L3MBTL4: variants seen among roughly 807,000 people sequenced by gnomAD.
L3MBTL4 encodes the protein L3MBTL histone methyl-lysine binding protein 4.
A neutral mutation model predicts 84.5 loss-of-function variants in L3MBTL4; 70 were observed. The observed-to-expected ratio is 0.83, with a 90% CI of 0.68 to 1.01. The LOEUF (loss-of-function observed/expected upper bound fraction) is 1.01, where lower values mean the gene tolerates loss of function less well. L3MBTL4 is among the 50% of genes least tolerant of loss of function. The pLI is 0.00. For missense variants in L3MBTL4, 715 were observed against 754.8 expected (o/e 0.95, Z 0.62); for synonymous variants, 274 against 259.8 (o/e 1.05, Z -0.52).
intron 16 of L3MBTL4, among the ~76,000 whole-genome samples, chr18:5,988,367 G>A (rs545874261): frequency 7.1e-4 from 108 of 152,276 alleles, no homozygotes; most frequent in African/African-American, 2.6e-3. Flanking sequence ...GATTGTTGGA[G>A]GGGCCCTGTA....
chr18:5,961,947 T>A (rs113509314), intron 17 of L3MBTL4, among the ~76,000 whole-genome samples: 3 of 152,286 alleles, frequency 2.0e-5, no homozygotes, highest in African/African-American at 7.2e-5. Context: ...CCCAGGACAC[T>A]GAGGGTGGCC....
chr18:6,278,024 C>G (rs1261400688), intron 4 of L3MBTL4, among the ~76,000 whole-genome samples: 1 of 151,876 alleles, frequency 6.6e-6, no homozygotes, highest in Non-Finnish European at 1.5e-5. Context: ...AAATACATAT[C>G]TATGTATATA....
intron 10 of L3MBTL4, among the ~76,000 whole-genome samples, chr18:6,236,163 G>A (rs2093541420): frequency 6.6e-6 from 1 of 152,130 alleles, no homozygotes; most frequent in Non-Finnish European, 1.5e-5. Context: ...CGGTGCTGGA[G>A]GACTCATGTG....
chr18:6,358,229 C>T (rs2053531253), intron 1 of L3MBTL4, among the ~76,000 whole-genome samples: 1 of 152,066 alleles, frequency 6.6e-6, no homozygotes, highest in African/African-American at 2.4e-5. Flanking sequence ...CTAAGAGTGC[C>T]GATTAAATAA....
chr18:6,229,281 G>A (rs1198260789), intron 10 of L3MBTL4, among the ~76,000 whole-genome samples: 1 of 152,108 alleles, frequency 6.6e-6, no homozygotes, highest in African/African-American at 2.4e-5. Context: ...ATACAACTAA[G>A]TATGTGGGTA....
At chr18:6,250,889 T>C (rs1306374716) in intron 5 of L3MBTL4, among the ~76,000 whole-genome samples, 1 of 152,250 alleles carries the variant, frequency 6.6e-6, no homozygotes, top group African/African-American at 2.4e-5. Flanking sequence ...CTTCCACATA[T>C]AAAATTGTTC....
chr18:6,209,445 C>CAAAAAAAAAAAAA (rs60613997), intron 12 of L3MBTL4, among the ~76,000 whole-genome samples: 18 of 113,982 alleles, frequency 1.6e-4, no homozygotes, highest in African/African-American at 5.5e-4. Flanking sequence ...ACTAAACTGG[C>CAAAAAAAAAAAAA]AAAAAAAAAA....
At chr18:6,329,799 G>A (rs189957051) in intron 1 of L3MBTL4, among the ~76,000 whole-genome samples, 63 of 152,262 alleles carry the variant, frequency 4.1e-4, no homozygotes, top group Admixed American at 3.6e-3. Flanking sequence ...TCCACAAGTG[G>A]ATTAATCCAT....
chr18:6,347,911 A>G (rs1375443588), intron 1 of L3MBTL4, among the ~76,000 whole-genome samples: 2 of 152,052 alleles, frequency 1.3e-5, no homozygotes, highest in Admixed American at 6.5e-5. Context: ...TCTGAACACA[A>G]AAAAATTAAA....
rs1458499706 is a variant in L3MBTL4 at position 5,960,204 on chromosome 18, A to G, written c.1615-48T>C. The G allele has an allele frequency of 3.4e-6, 4 of 1,192,130 alleles. No homozygotes were observed. In the African/African-American group the frequency reaches 6.3e-5, roughly 19 times the overall value. 73.8% of individuals were successfully genotyped at this position (1,192,130 alleles called of 1,614,324 possible). On this transcript the variant is annotated intron_variant, in intron 17 of 18. Transcript: ENST00000317931. ...TAATTTAATACATGCACCTGAAATA[A>G]TTTGGGGGTTGCAGTAATCCAACAT... is the stretch of plus-strand genomic sequence containing the variant.
intron 16 of L3MBTL4, among the ~76,000 whole-genome samples, chr18:6,027,840 A>G (rs2055583721): frequency 6.6e-6 from 1 of 152,220 alleles, no homozygotes; most frequent in South Asian, 2.1e-4. Context: ...TCTTCTTTAG[A>G]GAAGTGTCTG....
intron 1 of L3MBTL4, among the ~76,000 whole-genome samples, chr18:6,403,679 G>A (rs1368780514): frequency 6.6e-6 from 1 of 152,176 alleles, no homozygotes; most frequent in Admixed American, 6.5e-5. Flanking sequence ...GATACTTAGA[G>A]AAATGTTACA....
At chr18:6,024,572 C>G (rs999418567) in intron 16 of L3MBTL4, among the ~76,000 whole-genome samples, 1 of 152,110 alleles carries the variant, frequency 6.6e-6, no homozygotes, top group African/African-American at 2.4e-5. Context: ...ACTTTCCCCC[C>G]TCAAGGTACA....
chr18:6,133,187 T>A (rs2144561261), intron 14 of L3MBTL4, among the ~76,000 whole-genome samples: 1 of 152,240 alleles, frequency 6.6e-6, no homozygotes, highest in South Asian at 2.1e-4. Flanking sequence ...CTCTCAGGGA[T>A]GATGGAACCG....
chr18:6,364,331 AT>A (rs1445487645), intron 1 of L3MBTL4, among the ~76,000 whole-genome samples: 1 of 151,902 alleles, frequency 6.6e-6, no homozygotes, highest in Non-Finnish European at 1.5e-5. Context: ...AATATTCTTA[AT>A]TTTTTCCATT....
chr18:6,227,670 G>GA (rs1360058060), intron 10 of L3MBTL4, among the ~76,000 whole-genome samples: 1 of 151,952 alleles, frequency 6.6e-6, no homozygotes, highest in Non-Finnish European at 1.5e-5. Flanking sequence ...ATTAAGAAAA[G>GA]AAAACTCCAG....
chr18:6,036,039 G>C (rs1032379611), intron 16 of L3MBTL4, among the ~76,000 whole-genome samples: 1 of 152,102 alleles, frequency 6.6e-6, no homozygotes, highest in African/African-American at 2.4e-5. Flanking sequence ...ATTATCTCTG[G>C]CCACCAAGGT....
At chr18:6,022,524 G>A in intron 16 of L3MBTL4, among the ~76,000 whole-genome samples, 1 of 152,180 alleles carries the variant, frequency 6.6e-6, no homozygotes, top group East Asian at 1.9e-4. Context: ...GATTATAGCT[G>A]ATGCTCTAAT....
chr18:6,359,813 C>T (rs553204220), intron 1 of L3MBTL4, among the ~76,000 whole-genome samples: 10 of 152,092 alleles, frequency 6.6e-5, no homozygotes, highest in African/African-American at 1.9e-4. Flanking sequence ...ACTGTACATT[C>T]TCTGCATCTC....
Sources: gnomAD v4.1 joint callset for allele counts (sites outside exome capture counted in the v4.1 genomes callset) on GRCh38, gnomAD v4.1.1 for gene constraint, MANE v1.5 for transcripts, NCBI Gene and HGNC (gene_info 2026-07-23, HGNC 2026-07-21) for gene names.